Variants in PDE12 observed in about 807,000 individuals in gnomAD.
PDE12 encodes 2',5'-phosphodiesterase 12.
Under a neutral mutation model 45.4 loss-of-function variants are expected in PDE12, and 26 were observed. That is an observed-to-expected ratio of 0.57 (90% confidence interval 0.42 to 0.79). The LOEUF is 0.79. Among genes scored for constraint, PDE12 ranks in the 30% least tolerant of loss-of-function variants. PDE12 has a pLI of 0.00. For missense variants in PDE12, 668 were observed against 790.0 expected (o/e 0.85, Z 1.85); for synonymous variants, 283 against 323.9 (o/e 0.87, Z 1.36).
At chr3:57,594,099 T>C in the PDE12 span, among the ~76,000 whole-genome samples, 34 of 152,076 alleles carry the variant, frequency 2.2e-4, no homozygotes, top group African/African-American at 7.5e-4. Context: ...CTACTAAAAA[T>C]ACAAACATTA....
At chr3:57,650,594 T>C in the PDE12 span, among the ~76,000 whole-genome samples, 1 of 152,218 alleles carries the variant, frequency 6.6e-6, no homozygotes, top group East Asian at 1.9e-4. Flanking sequence ...TTTAGAGAAA[T>C]GGCTGGTTCT....
At chr3:57,597,253 GAAGA>G in the PDE12 span, 3 of 1,050,480 alleles carry the variant, frequency 2.9e-6, no homozygotes, top group South Asian at 2.8e-5. Flanking sequence ...AAGAGCGGAG[GAAGA>G]AAGAGGGAGG....
At chr3:57,639,985 G>A in the PDE12 span, among the ~76,000 whole-genome samples, 1 of 152,028 alleles carries the variant, frequency 6.6e-6, no homozygotes, top group Non-Finnish European at 1.5e-5. Context: ...AAAAGTAGTG[G>A]TTGCTGGCCA....
the PDE12 span, among the ~76,000 whole-genome samples, chr3:57,576,509 T>G: frequency 6.7e-6 from 1 of 149,762 alleles, no homozygotes; most frequent in East Asian, 1.9e-4. Flanking sequence ...CCAAGCTTTT[T>G]TTTTTTTTTT....
chr3:57,597,958 GACC>G, the PDE12 span: 1 of 152,162 alleles, frequency 6.6e-6, no homozygotes, highest in Admixed American at 6.5e-5. Context: ...TAGACGCTTC[GACC>G]ACCACGCCAA....
At chr3:57,642,842 C>A in the PDE12 span, among the ~76,000 whole-genome samples, 1 of 151,996 alleles carries the variant, frequency 6.6e-6, no homozygotes, top group African/African-American at 2.4e-5. Context: ...CCCATCTCTA[C>A]TAAAAATACA....
At chr3:57,612,599 C>T in the PDE12 span, among the ~76,000 whole-genome samples, 57 of 151,770 alleles carry the variant, frequency 3.8e-4, no homozygotes, top group Admixed American at 1.1e-3. Flanking sequence ...GGTGAAACCC[C>T]GTGTCTACTA....
At chr3:57,650,421 TACAC>T in the PDE12 span, among the ~76,000 whole-genome samples, 4,774 of 149,914 alleles carry the variant, frequency 0.032, 244 homozygotes, top group African/African-American at 0.11. Flanking sequence ...TGCATTTACA[TACAC>T]ACACACACAC....
At chr3:57,599,043 CAT>C in the PDE12 span, among the ~76,000 whole-genome samples, 1 of 152,152 alleles carries the variant, frequency 6.6e-6, no homozygotes, top group African/African-American at 2.4e-5. Context: ...GTCTTGTAGA[CAT>C]GTGCCCAAGG....
At chr3:57,584,964 A>C in the PDE12 span, among the ~76,000 whole-genome samples, 1 of 152,110 alleles carries the variant, frequency 6.6e-6, no homozygotes, top group South Asian at 2.1e-4. Flanking sequence ...CCCGGGTTCG[A>C]GCAATTCTCC....
rs924853973 is a variant in PDE12 at position 57,566,176 on chromosome 3, C to T, written c.*6172C>T. ...CAGTCACTCCCCATTCTCCCTAGCT[C>T]CTGGCAACAACTTAACCTGTCTCTG... On this transcript the variant is annotated 3_prime_UTR_variant, in exon 3 of 3. Transcript: ENST00000311180. 2 of 152,178 alleles carry T rather than the reference C, an allele frequency of 1.3e-5. No homozygotes were observed. Among genetic ancestry groups the T allele is most frequent in the Non-Finnish European group, 1.5e-5 (1 of 68,058 alleles). 9.4% of individuals were successfully genotyped at this position (152,178 alleles called of 1,614,324 possible).
the PDE12 span, among the ~76,000 whole-genome samples, chr3:57,616,298 G>C: frequency 1.3e-5 from 2 of 151,872 alleles, no homozygotes; most frequent in African/African-American, 4.8e-5. Context: ...TAGTAGCCTG[G>C]GCTACAAAGT....
chr3:57,623,255 C>CA, the PDE12 span, among the ~76,000 whole-genome samples: 1 of 151,824 alleles, frequency 6.6e-6, no homozygotes, highest in Admixed American at 6.6e-5. Flanking sequence ...TACAAAACAA[C>CA]AACAAACAAA....
the PDE12 span, among the ~76,000 whole-genome samples, chr3:57,595,179 G>A: frequency 1.3e-5 from 2 of 152,156 alleles, no homozygotes; most frequent in African/African-American, 4.8e-5. Context: ...AATGCTGGTA[G>A]CATACTTCTA....
chr3:57,556,985 G>A lies in PDE12; in HGVS notation c.606G>A (p.Lys202=). ...TTTTCCGCTGGTATAAGGAAGCCAAGCCCGGAGCGGCGGAGCCCGAGGTCG... is the reference window on the plus strand; with the variant it reads ...TTTTCCGCTGGTATAAGGAAGCCAAACCCGGAGCGGCGGAGCCCGAGGTCG... ...SSLFRWYKEA[K]PGAAEPEVGV... The change falls in exon 1 of 3, where the codon AAG becomes AAA. Residue 202 remains lysine (K), a synonymous_variant. Coordinates refer to ENST00000311180, the MANE Select transcript of PDE12 (RefSeq NM_177966.7). This position sits in a 1 kb window ranked among gnomAD's most constrained non-coding sequence, Gnocchi z 5.0. The A allele has an allele frequency of 1.9e-6, 3 of 1,614,182 alleles. No homozygotes were observed. The highest frequency in any genetic ancestry group is 2.5e-6 in the Non-Finnish European group (3 of 1,180,036).
chr3:57,583,070 C>T, the PDE12 span, among the ~76,000 whole-genome samples: 7 of 152,252 alleles, frequency 4.6e-5, no homozygotes, highest in East Asian at 1.4e-3. Context: ...AGAGAGCCCT[C>T]CCCATACCCA....
At chr3:57,582,487 C>T in the PDE12 span, among the ~76,000 whole-genome samples, 8 of 152,102 alleles carry the variant, frequency 5.3e-5, no homozygotes, top group Admixed American at 1.3e-4. Flanking sequence ...GTGATCCGCC[C>T]GCCTCAGCCT....
chr3:57,623,489 A>T, the PDE12 span, among the ~76,000 whole-genome samples: 8 of 152,020 alleles, frequency 5.3e-5, no homozygotes, highest in African/African-American at 1.9e-4. Context: ...GACCAACCTG[A>T]CCAACATGGT....
the PDE12 span, among the ~76,000 whole-genome samples, chr3:57,610,853 A>G: frequency 6.6e-6 from 1 of 152,176 alleles, no homozygotes; most frequent in Non-Finnish European, 1.5e-5. Flanking sequence ...TCAAGCTACC[A>G]ATGACTTTCT....
Sources: gnomAD v4.1 joint callset for allele counts (sites outside exome capture counted in the v4.1 genomes callset) on GRCh38, gnomAD v4.1.1 for gene constraint, Gnocchi (gnomAD v3.1) non-coding constraint, MANE v1.5 for transcripts, NCBI Gene and HGNC (gene_info 2026-07-23, HGNC 2026-07-21) for gene names.